Variants in GRIK2 observed in about 807,000 individuals in gnomAD.
GRIK2 encodes glutamate ionotropic receptor kainate type subunit 2, also known as glutamate receptor ionotropic, kainate 2.
A neutral mutation model predicts 100.3 loss-of-function variants in GRIK2; 32 were observed. That is an observed-to-expected ratio of 0.32 (90% CI 0.24 to 0.43). The LOEUF (loss-of-function observed/expected upper bound fraction) is 0.43, where lower values mean the gene tolerates loss of function less well. Ranked by LOEUF, GRIK2 falls within the 20% of genes least tolerant of loss-of-function variation. The pLI is 1.00. For missense variants in GRIK2, 843 were observed against 1,114.9 expected (o/e 0.76, Z 3.47); for synonymous variants, 417 against 389.4 (o/e 1.07, Z -0.83).
intron 2 of GRIK2, among the ~76,000 whole-genome samples, chr6:101,594,975 G>T (rs1006515464): frequency 6.6e-6 from 1 of 151,496 alleles, no homozygotes; most frequent in African/African-American, 2.4e-5. Flanking sequence ...AAGTCTGGAA[G>T]ATCTTATATC....
At chr6:101,605,317 A>G (rs1779394633) in intron 2 of GRIK2, among the ~76,000 whole-genome samples, 1 of 152,004 alleles carries the variant, frequency 6.6e-6, no homozygotes, top group Non-Finnish European at 1.5e-5. Flanking sequence ...TGGTGAATCC[A>G]TGCATGCTTA....
chr6:101,420,643 T>C (rs547860993), intron 2 of GRIK2, among the ~76,000 whole-genome samples: 1 of 152,204 alleles, frequency 6.6e-6, no homozygotes, highest in South Asian at 2.1e-4. Flanking sequence ...CACCAAAGCT[T>C]GAGAACCCCT....
chr6:101,747,609 A>C (rs1482673744), intron 7 of GRIK2, among the ~76,000 whole-genome samples: 4 of 152,214 alleles, frequency 2.6e-5, no homozygotes, highest in Non-Finnish European at 4.4e-5. Flanking sequence ...ATATATGTAC[A>C]TCTTAATTTA....
intron 2 of GRIK2, among the ~76,000 whole-genome samples, chr6:101,402,130 A>G (rs1052853139): frequency 6.6e-6 from 1 of 152,052 alleles, no homozygotes; most frequent in Non-Finnish European, 1.5e-5. Context: ...GCCCCCGCTT[A>G]GAGTGCTGAA....
Position 102,053,752 on chromosome 6 carries a change from A to G in GRIK2, c.2312-1578A>G, listed in dbSNP as rs138787026. On this transcript the variant is annotated intron_variant, in intron 15 of 16. Coordinates refer to ENST00000369134, the MANE Select transcript of GRIK2 (RefSeq NM_021956.5). ...ATGGATGGACTGATTGGACAGACAGACAGATAATAGATAGCCTCCATACAA... is the reference window on the plus strand; with the variant it reads ...ATGGATGGACTGATTGGACAGACAGGCAGATAATAGATAGCCTCCATACAA... Among the ~76,000 whole-genome samples, 98 of 152,288 alleles carry G rather than the reference A, an allele frequency of 6.4e-4. 1 individual carries two copies. Among genetic ancestry groups the G allele is most frequent in the African/African-American group, 2.2e-3 (93 of 41,576 alleles).
At chr6:101,549,774 G>T (rs758373327) in intron 2 of GRIK2, among the ~76,000 whole-genome samples, 1 of 152,126 alleles carries the variant, frequency 6.6e-6, no homozygotes, top group Admixed American at 6.5e-5. Context: ...TTGAGTGGTC[G>T]TGGAATGTCA....
chr6:101,429,546 A>G (rs1236025987), intron 2 of GRIK2, among the ~76,000 whole-genome samples: 4 of 152,188 alleles, frequency 2.6e-5, no homozygotes, highest in African/African-American at 9.7e-5. Context: ...AGAAAGTGCT[A>G]AGTAGATAAT....
At chr6:101,858,921 G>A (rs1784589282) in intron 10 of GRIK2, among the ~76,000 whole-genome samples, 1 of 151,194 alleles carries the variant, frequency 6.6e-6, no homozygotes, top group South Asian at 2.1e-4. Flanking sequence ...TCAAATTGAG[G>A]TATTATAATC....
At chr6:101,548,387 T>G (rs1354111811) in intron 2 of GRIK2, among the ~76,000 whole-genome samples, 1 of 152,208 alleles carries the variant, frequency 6.6e-6, no homozygotes, top group Non-Finnish European at 1.5e-5. Flanking sequence ...AGACCTGAAG[T>G]CCTTGCCCAT....
At chr6:102,067,359 A>G (rs904916791) in intron 16 of GRIK2, among the ~76,000 whole-genome samples, 2 of 151,756 alleles carry the variant, frequency 1.3e-5, no homozygotes, top group African/African-American at 4.8e-5. Flanking sequence ...CTTCCTGCCT[A>G]ACTGTAAATA....
In GRIK2 at chr6:101,618,025, G is replaced by A. The variant is rs1779981727; in HGVS notation, c.116-3924G>A. 2.0e-5 allele frequency among the ~76,000 whole-genome samples: 3 copies of A among 151,644 alleles called. No individual in the cohort carries two copies. In the South Asian group the frequency reaches 6.2e-4, roughly 31 times the overall value. Reference sequence around the variant, plus strand: ...TGTGTGTCTGTTGAGTGTGTGTCTTGTGTGTGTCTCTGATTAGGAAGTTCT... The same window carrying A: ...TGTGTGTCTGTTGAGTGTGTGTCTTATGTGTGTCTCTGATTAGGAAGTTCT... On this transcript the variant is annotated intron_variant, in intron 2 of 16. Transcript: ENST00000369134.
chr6:101,703,611 T>C (rs1425235826), intron 7 of GRIK2, among the ~76,000 whole-genome samples: 1 of 151,778 alleles, frequency 6.6e-6, no homozygotes, highest in Non-Finnish European at 1.5e-5. Context: ...GGGGTTTCAA[T>C]TTAGGATACC....
At chr6:101,817,968 GCTGTCTTTTAGCTTTGT>G (rs1228477620) in intron 9 of GRIK2, among the ~76,000 whole-genome samples, 2 of 152,048 alleles carry the variant, frequency 1.3e-5, no homozygotes, top group Admixed American at 6.6e-5. Context: ...TAGATTTTGC[GCTGTCTTTTAGCTTTGT>G]CTGTATAATA....
At chr6:101,571,617 A>T (rs1014651895) in intron 2 of GRIK2, among the ~76,000 whole-genome samples, 4 of 152,210 alleles carry the variant, frequency 2.6e-5, no homozygotes, top group Middle Eastern at 3.4e-3. Context: ...TTTAACCCAA[A>T]TTTTATAGCT....
intron 7 of GRIK2, among the ~76,000 whole-genome samples, chr6:101,751,944 G>A (rs1399599956): frequency 6.6e-6 from 1 of 152,084 alleles, no homozygotes; most frequent in East Asian, 1.9e-4. Context: ...GCTAAATGAG[G>A]AGATTCTATT....
intron 2 of GRIK2, among the ~76,000 whole-genome samples, chr6:101,462,484 C>T (rs1771372265): frequency 9.4e-5 from 1 of 10,642 alleles, no homozygotes; most frequent in Non-Finnish European, 1.3e-4. Context: ...CTAAAAAAGA[C>T]CAGGAAGATT....
chr6:101,664,433 A>T (rs1769860404), intron 4 of GRIK2, among the ~76,000 whole-genome samples: 1 of 152,238 alleles, frequency 6.6e-6, no homozygotes, highest in South Asian at 2.1e-4. Flanking sequence ...TTTAATAGCA[A>T]TAAGCAAAGA....
At chr6:102,041,400 T>C (rs1770565204) in intron 15 of GRIK2, among the ~76,000 whole-genome samples, 1 of 151,666 alleles carries the variant, frequency 6.6e-6, no homozygotes, top group African/African-American at 2.4e-5. Context: ...TGTCAGATAG[T>C]TGTCCTTGGG....
intron 4 of GRIK2, among the ~76,000 whole-genome samples, chr6:101,658,269 G>A (rs894774682): frequency 6.6e-6 from 1 of 152,050 alleles, no homozygotes; most frequent in Non-Finnish European, 1.5e-5. Flanking sequence ...TGTTCTTATT[G>A]TTCAACTCCC....
Sources: allele counts gnomAD v4.1 joint callset (sites outside exome capture counted in the v4.1 genomes callset), GRCh38; gene constraint gnomAD v4.1.1; transcripts MANE v1.5; gene names NCBI Gene and HGNC (gene_info 2026-07-23, HGNC 2026-07-21).